PDLIM7: variants seen among roughly 807,000 people sequenced by gnomAD.
PDLIM7 encodes PDZ and LIM domain protein 7.
A neutral mutation model predicts 53.9 loss-of-function variants in PDLIM7; 37 were observed. That is an observed-to-expected ratio of 0.69 (90% CI 0.53 to 0.90). The LOEUF (loss-of-function observed/expected upper bound fraction) is 0.90, where lower values mean the gene tolerates loss of function less well. PDLIM7 is among the 40% of genes least tolerant of loss of function. PDLIM7 has a pLI of 0.00. For synonymous variants in PDLIM7, 300 were observed against 261.3 expected (o/e 1.15, Z -1.43); for missense variants, 617 against 638.5 (o/e 0.97, Z 0.36).
At chr5:177,484,469 TCTC>T (rs1758338487) in intron 10 of PDLIM7, 1 of 399,172 alleles carries the variant, frequency 2.5e-6, no homozygotes, top group African/African-American at 2.1e-5. Flanking sequence ...GCAACTCCAT[TCTC>T]CTGTCTGCTG....
chr5:177,486,706 T>C (rs369134662), intron 10 of PDLIM7, among the ~76,000 whole-genome samples: 1 of 152,098 alleles, frequency 6.6e-6, no homozygotes, highest in Non-Finnish European at 1.5e-5. Flanking sequence ...TGGCGCGATC[T>C]CGGCTCACTG....
chr5:177,492,194 A>T, intron 4 of PDLIM7: 2 of 646,480 alleles, frequency 3.1e-6, no homozygotes, highest in South Asian at 3.9e-5. Flanking sequence ...AGGCGGACAG[A>T]CAGGCGGACA....
rs1311970312 is a variant in PDLIM7 at position 177,484,111 on chromosome 5, C to T, written c.1130G>A (p.Arg377Lys). Residue 377 changes from arginine to lysine, a missense_variant, in exon 11 of 13, where the codon AGG (arginine) becomes AAG (lysine). By Grantham distance (26) the Arg-to-Lys change is conservative (BLOSUM62 2). Transcript: ENST00000355841. Reference protein sequence around the residue: ...CAACKTPIRNRAFYMEEGVPY... With the variant: ...CAACKTPIRNKAFYMEEGVPY... ...CACGCCCTCCTCCATGTAGAAGGCC[C>T]TGTTCCGGATGGGCGTCTTGCAGGC... 6.2e-7 allele frequency: 1 copy of T among 1,614,058 alleles called. No individual in the cohort carries two copies. Among genetic ancestry groups the T allele is most frequent in the Non-Finnish European group, 8.5e-7 (1 of 1,180,008 alleles).
At chr5:177,496,045 G>C (rs1759053771) in intron 2 of PDLIM7, among the ~76,000 whole-genome samples, 1 of 152,136 alleles carries the variant, frequency 6.6e-6, no homozygotes, top group African/African-American at 2.4e-5. Flanking sequence ...AGGCTGAAGT[G>C]AAATCCTATA....
intron 1 of PDLIM7, 143 bp downstream of exon 1, chr5:177,497,385 C>CGGGGGCGGGGGCGGAGGCA (rs1759146955): frequency 6.6e-6 from 1 of 151,884 alleles, no homozygotes; most frequent in African/African-American, 2.4e-5. Flanking sequence ...GGCAGGAAGG[C>CGGGGGCGGGGGCGGAGGCA]GGGGGCGGGG....
At chr5:177,496,600 C>T (rs1471036061) in intron 1 of PDLIM7, 77 bp from the exon 2 acceptor site, 4 of 968,108 alleles carry the variant, frequency 4.1e-6, no homozygotes, top group East Asian at 6.3e-5. Flanking sequence ...CTCAGGATAC[C>T]AGCCTTGGAC....
At chr5:177,491,444 G>C (rs1250696219) in intron 5 of PDLIM7, 1 of 1,537,638 alleles carries the variant, frequency 6.5e-7, no homozygotes, top group Non-Finnish European at 8.8e-7. Flanking sequence ...AAGACAGACA[G>C]ACAGATAAAG....
At chr5:177,485,224 C>G (rs1255501409) in intron 10 of PDLIM7, among the ~76,000 whole-genome samples, 1 of 152,272 alleles carries the variant, frequency 6.6e-6, no homozygotes, top group Admixed American at 6.5e-5. Context: ...GTTTTGTTAG[C>G]TGATCTATCC....
At chr5:177,490,606 G>A (rs201747931) in intron 7 of PDLIM7, 11 of 1,539,706 alleles carry the variant, frequency 7.1e-6, no homozygotes, top group South Asian at 4.8e-5. Flanking sequence ...GAGGGGCAGA[G>A]AGAGAGGGAG....
In PDLIM7 at chr5:177,492,515, C is replaced by T. The variant is rs758437461; in HGVS notation, c.248+11G>A. On this transcript the variant is annotated intron_variant, in intron 3 of 12. Coordinates refer to ENST00000355841, the MANE Select transcript of PDLIM7 (RefSeq NM_005451.5). Reference sequence around the variant, plus strand: ...CAGCGCGGGCGCACCCATCCATGTCCACCCGCATACCTGCTGAGGCCCAGG... The same window carrying T: ...CAGCGCGGGCGCACCCATCCATGTCTACCCGCATACCTGCTGAGGCCCAGG... The T allele has an allele frequency of 6.2e-7, 1 of 1,613,732 alleles. No individual in the cohort carries two copies. Among genetic ancestry groups the T allele is most frequent in the Admixed American group, 1.7e-5 (1 of 60,010 alleles).
chr5:177,493,443 C>G (rs942641560), intron 2 of PDLIM7, among the ~76,000 whole-genome samples: 1 of 152,232 alleles, frequency 6.6e-6, no homozygotes, highest in African/African-American at 2.4e-5. Flanking sequence ...GGAGAAATGG[C>G]TGCCACCAGC....
intron 7 of PDLIM7, chr5:177,490,065 C>T (rs771462102): frequency 1.3e-6 from 2 of 1,531,296 alleles, no homozygotes; most frequent in Non-Finnish European, 1.7e-6. Flanking sequence ...GCTTCTGAGG[C>T]AGCTCCTGGG....
rs769512548 is a variant in PDLIM7, at chr5:177,488,230, C to T, written c.888G>A (p.Ala296=). Reference sequence around the variant, plus strand: ...CCTCCGGGTGGTACGCGTGGCCCAGCGCCACCAGGTAGCGGCCCCTGCAGG... The same window carrying T: ...CCTCCGGGTGGTACGCGTGGCCCAGTGCCACCAGGTAGCGGCCCCTGCAGG... ...HKVIRGRYLV[A]LGHAYHPEEF... Residue 296 remains alanine (A), a synonymous_variant, in exon 10 of 13, where the codon GCG becomes GCA. Coordinates refer to ENST00000355841, the MANE Select transcript of PDLIM7 (RefSeq NM_005451.5). The T allele has an allele frequency of 5.0e-6, 8 of 1,605,870 alleles. No homozygotes were observed. The highest frequency in any genetic ancestry group is 2.7e-5 in the African/African-American group (2 of 74,692).
At chr5:177,490,035 G>A (rs1758668583) in intron 7 of PDLIM7, 5 of 1,533,606 alleles carry the variant, frequency 3.3e-6, no homozygotes, top group Non-Finnish European at 4.4e-6. Context: ...TCTCTAGCTG[G>A]GAGACGAGGC....
intron 2 of PDLIM7, among the ~76,000 whole-genome samples, chr5:177,494,029 C>T (rs984139515): frequency 2.0e-5 from 3 of 152,172 alleles, no homozygotes; most frequent in African/African-American, 7.2e-5. Context: ...CGTAGGAGGT[C>T]AGAAGGCTAA....
chr5:177,494,416 G>A (rs983563186), intron 2 of PDLIM7, among the ~76,000 whole-genome samples: 3 of 152,220 alleles, frequency 2.0e-5, no homozygotes, highest in Middle Eastern at 3.2e-3. Context: ...ACCCCAGAGG[G>A]GAAGTGACTT....
intron 2 of PDLIM7, chr5:177,494,874 C>T (rs1361439592): frequency 6.6e-6 from 1 of 152,336 alleles, no homozygotes; most frequent in Non-Finnish European, 1.5e-5. Context: ...CTCCCACCTC[C>T]CTCCATTCTG....
chr5:177,497,510 CCGCGCGGT>C lies in PDLIM7; in HGVS notation c.-12+10_-12+17del, dbSNP rs1759155217. The C allele has an allele frequency of 6.6e-6, 1 of 152,404 alleles. No individual in the cohort carries two copies. The highest frequency in any genetic ancestry group is 1.5e-5 in the Non-Finnish European group (1 of 68,176). The allele number at this position is 152,404 out of a possible 1,614,324, so 9.4% of individuals were successfully genotyped here. A position where few individuals can be genotyped will look rare whatever the true frequency, so the allele number is the denominator to read the frequency against. On this transcript the variant is annotated intron_variant, in intron 1 of 12. Transcript: ENST00000355841. ...CCCGCCTGGTGCAGCCCAAGACGCCCCGCGCGGTCGTCGATACCTGCTTGGCCCGGCCA... is the reference window on the plus strand; with the variant it reads ...CCCGCCTGGTGCAGCCCAAGACGCCCCGTCGATACCTGCTTGGCCCGGCCA...
chr5:177,497,011 G>C, intron 1 of PDLIM7: 1 of 29,738 alleles, frequency 3.4e-5, no homozygotes, highest in Middle Eastern at 0.02. Context: ...GACGCGAGGG[G>C]GGGGGGAGGG....
Sources: allele counts gnomAD v4.1 joint callset (sites outside exome capture counted in the v4.1 genomes callset), GRCh38; gene constraint gnomAD v4.1.1; transcripts MANE v1.5; gene names NCBI Gene and HGNC (gene_info 2026-07-23, HGNC 2026-07-21).